Variants in XRCC4 observed in about 807,000 individuals in gnomAD.
XRCC4 encodes DNA repair protein XRCC4.
Under a neutral mutation model 39.1 loss-of-function variants are expected in XRCC4, and 28 were observed. The ratio of observed to expected loss-of-function variants is 0.72; its 90% CI spans 0.53 to 0.98. The LOEUF (loss-of-function observed/expected upper bound fraction) is 0.98, where lower values mean the gene tolerates loss of function less well. Ranked by LOEUF, XRCC4 falls within the 50% of genes least tolerant of loss-of-function variation. The probability of loss-of-function intolerance (pLI) is 0.00; values close to 1 mark genes in which losing one functional copy is unlikely to be tolerated. For synonymous variants in XRCC4, 123 were observed against 126.4 expected, an observed-to-expected ratio of 0.97 and a Z score of 0.18; for missense variants, 350 against 376.4, an observed-to-expected ratio of 0.93 and a Z score of 0.58.
chr5:83,124,142 G>A (rs1747146246), intron 3 of XRCC4, among the ~76,000 whole-genome samples: 2 of 152,062 alleles, frequency 1.3e-5, no homozygotes, highest in Non-Finnish European at 2.9e-5. Flanking sequence ...TGTTCTTGTT[G>A]TTGTTTCGGC....
chr5:83,082,603 T>G (rs7718472), intron 1 of XRCC4, among the ~76,000 whole-genome samples: 75,285 of 152,112 alleles, frequency 0.49, 19,543 homozygotes, highest in African/African-American at 0.64. Flanking sequence ...GCTAACAGCC[T>G]TACGTTGGCC....
At chr5:83,183,446 G>GTGTA in intron 3 of XRCC4, among the ~76,000 whole-genome samples, 1 of 146,248 alleles carries the variant, frequency 6.8e-6, no homozygotes, top group South Asian at 2.2e-4. Flanking sequence ...GTGTGTGTGT[G>GTGTA]TGTGTGTGGC....
At chr5:83,348,986 C>T (rs903642437) in intron 7 of XRCC4, among the ~76,000 whole-genome samples, 1 of 152,174 alleles carries the variant, frequency 6.6e-6, no homozygotes, top group Non-Finnish European at 1.5e-5. Flanking sequence ...GAGACCACCT[C>T]AGCCTGGACT....
At chr5:83,364,436 C>T in the XRCC4 span, among the ~76,000 whole-genome samples, 1 of 151,968 alleles carries the variant, frequency 6.6e-6, no homozygotes, top group African/African-American at 2.4e-5. Flanking sequence ...TATAAGAATA[C>T]TAAAAAAAAA....
At chr5:83,115,092 C>T (rs969443915) in intron 3 of XRCC4, among the ~76,000 whole-genome samples, 2 of 152,058 alleles carry the variant, frequency 1.3e-5, no homozygotes, top group African/African-American at 4.8e-5. Context: ...CCCCATGATT[C>T]GATTACCTCC....
At chr5:83,187,319 A>C (rs1750497426) in intron 3 of XRCC4, among the ~76,000 whole-genome samples, 1 of 152,186 alleles carries the variant, frequency 6.6e-6, no homozygotes, top group Middle Eastern at 3.2e-3. Context: ...GCAGCCAGGA[A>C]CGTGTCTCTA....
At chr5:83,282,955 T>C (rs1754599526) in intron 7 of XRCC4, among the ~76,000 whole-genome samples, 1 of 152,124 alleles carries the variant, frequency 6.6e-6, no homozygotes, top group Non-Finnish European at 1.5e-5. Flanking sequence ...TCAGTTATCT[T>C]TGGGTAGTGA....
chr5:83,212,889 T>C (rs1365458736), intron 6 of XRCC4, among the ~76,000 whole-genome samples: 1 of 141,994 alleles, frequency 7.0e-6, no homozygotes, highest in Non-Finnish European at 1.5e-5. Flanking sequence ...ATCATGCCAC[T>C]GCACTCCAGC....
chr5:83,202,781 A>G (rs1400488104), intron 4 of XRCC4, among the ~76,000 whole-genome samples: 1 of 152,208 alleles, frequency 6.6e-6, no homozygotes, highest in African/African-American at 2.4e-5. Context: ...GTATGCATAT[A>G]TTAAGTATAT....
At chr5:83,270,217 A>G (rs1488934818) in intron 7 of XRCC4, among the ~76,000 whole-genome samples, 2 of 152,118 alleles carry the variant, frequency 1.3e-5, no homozygotes, top group Non-Finnish European at 2.9e-5. Flanking sequence ...AGGCGGCTGT[A>G]AATACAGATG....
chr5:83,099,702 T>A (rs747908636), intron 1 of XRCC4, among the ~76,000 whole-genome samples: 10 of 152,190 alleles, frequency 6.6e-5, no homozygotes, highest in Non-Finnish European at 1.2e-4. Flanking sequence ...ACCTGCAGGC[T>A]TGTCTTAGAT....
chr5:83,340,499 G>C (rs1367359268), intron 7 of XRCC4, among the ~76,000 whole-genome samples: 1 of 152,160 alleles, frequency 6.6e-6, no homozygotes, highest in Non-Finnish European at 1.5e-5. Flanking sequence ...GAAGAAGAAA[G>C]TCAGAGGAAG....
chr5:83,172,795 A>C (rs983056758), intron 3 of XRCC4, among the ~76,000 whole-genome samples: 3 of 152,152 alleles, frequency 2.0e-5, no homozygotes, highest in African/African-American at 7.2e-5. Context: ...AGACAACAAC[A>C]ATGGAAAAAT....
At chr5:83,191,049 A>G (rs1012721202) in intron 3 of XRCC4, among the ~76,000 whole-genome samples, 12 of 152,188 alleles carry the variant, frequency 7.9e-5, no homozygotes, top group African/African-American at 2.7e-4. Context: ...AGCACATAGT[A>G]TGGGCCAGAG....
intron 7 of XRCC4, among the ~76,000 whole-genome samples, chr5:83,348,457 C>G (rs772803931): frequency 2.0e-5 from 3 of 152,252 alleles, no homozygotes; most frequent in Admixed American, 6.5e-5. Context: ...GGCTTGCACC[C>G]TCTGAAGCAA....
intron 2 of XRCC4, 92 bp downstream of exon 2, chr5:83,105,150 C>G: frequency 7.8e-7 from 1 of 1,279,198 alleles, no homozygotes; most frequent in South Asian, 1.6e-5. Context: ...TTGGGTAAAA[C>G]TGATATTAAT....
chr5:83,194,307 CTG>C (rs1750849280), intron 3 of XRCC4, among the ~76,000 whole-genome samples: 3 of 152,254 alleles, frequency 2.0e-5, no homozygotes, highest in Admixed American at 1.3e-4. Context: ...CAAAAGGTAA[CTG>C]TTCAAATTTA....
chr5:83,172,414 A>T (rs1211130887), intron 3 of XRCC4, among the ~76,000 whole-genome samples: 1 of 152,184 alleles, frequency 6.6e-6, no homozygotes, highest in Non-Finnish European at 1.5e-5. Context: ...TTATTGGAAG[A>T]TTTAATGCAG....
At chr5:83,177,555 T>G (rs1029997031) in intron 3 of XRCC4, among the ~76,000 whole-genome samples, 1 of 151,968 alleles carries the variant, frequency 6.6e-6, no homozygotes, top group Non-Finnish European at 1.5e-5. Context: ...TATGAAGCCA[T>G]TTCTGCATGT....
Sources: allele counts gnomAD v4.1 joint callset (sites outside exome capture counted in the v4.1 genomes callset), GRCh38; gene constraint gnomAD v4.1.1; transcripts MANE v1.5; gene names NCBI Gene and HGNC (gene_info 2026-07-23, HGNC 2026-07-21).